CEP170: variants seen among roughly 807,000 people sequenced by gnomAD.
The protein encoded by CEP170 is centrosomal protein 170.
Under a neutral mutation model 151.9 loss-of-function variants are expected in CEP170, and 21 were observed. That is an observed-to-expected ratio of 0.14 (90% CI 0.10 to 0.20). CEP170 has a LOEUF of 0.20. Ranked by LOEUF, CEP170 falls within the 10% of genes least tolerant of loss-of-function variation. CEP170 has a pLI of 1.00. For missense variants in CEP170, 964 were observed against 1,892.9 expected (o/e 0.51, Z 9.11); for synonymous variants, 356 against 648.8 (o/e 0.55, Z 6.86).
At chr1:243,197,298 C>T (rs1264803871) in intron 7 of CEP170, among the ~76,000 whole-genome samples, 1 of 152,038 alleles carries the variant, frequency 6.6e-6, no homozygotes. Context: ...TATCCTTTCC[C>T]TGTTCTTTCC....
chr1:243,135,148 A>C (rs1196697678), intron 17 of CEP170, among the ~76,000 whole-genome samples: 1 of 152,208 alleles, frequency 6.6e-6, no homozygotes, highest in Non-Finnish European at 1.5e-5. Flanking sequence ...ATTTTAAATT[A>C]ATATTCTTTT....
At chr1:243,169,530 T>C (rs1265329073) in intron 12 of CEP170, 98 bp downstream of exon 12, 12 of 1,486,838 alleles carry the variant, frequency 8.1e-6, no homozygotes, top group South Asian at 3.9e-5. Context: ...ACAACTGATA[T>C]ATGATTCACA....
intron 1 of CEP170, among the ~76,000 whole-genome samples, chr1:243,243,860 A>C (rs923718597): frequency 6.6e-6 from 1 of 152,044 alleles, no homozygotes; most frequent in Non-Finnish European, 1.5e-5. Context: ...CCACACACAC[A>C]CACATACACA....
chr1:243,204,175 T>C (rs1385324694), intron 4 of CEP170, among the ~76,000 whole-genome samples: 1 of 152,224 alleles, frequency 6.6e-6, no homozygotes, highest in Non-Finnish European at 1.5e-5. Flanking sequence ...TGTTTTGTTA[T>C]GGATATCAAC....
chr1:243,176,426 G>T (rs912245282), intron 10 of CEP170, among the ~76,000 whole-genome samples: 2 of 151,024 alleles, frequency 1.3e-5, no homozygotes, highest in Non-Finnish European at 2.9e-5. Flanking sequence ...CATTCGTACT[G>T]GGCGTAGGAA....
chr1:243,205,939 GAAGAAAGAAGGAAGAAAA>G (rs1558584921), intron 4 of CEP170, among the ~76,000 whole-genome samples: 1 of 147,068 alleles, frequency 6.8e-6, no homozygotes, highest in African/African-American at 2.5e-5. Flanking sequence ...AAAGAAAGAA[GAAGAAAGAAGGAAGAAAA>G]AAGAAAGAAG....
intron 14 of CEP170, among the ~76,000 whole-genome samples, chr1:243,155,189 T>C (rs1295966608): frequency 6.6e-6 from 1 of 152,102 alleles, no homozygotes; most frequent in East Asian, 1.9e-4. Flanking sequence ...AGCAGCACGA[T>C]GAGATTAGAA....
chr1:243,162,762 G>A (rs949049444), intron 13 of CEP170, among the ~76,000 whole-genome samples: 2 of 152,142 alleles, frequency 1.3e-5, no homozygotes, highest in African/African-American at 4.8e-5. Flanking sequence ...TCTTAATGGA[G>A]ATGAGGTGAT....
At chr1:243,208,591 A>G (rs1366034558) in intron 4 of CEP170, among the ~76,000 whole-genome samples, 1 of 151,550 alleles carries the variant, frequency 6.6e-6, no homozygotes, top group Non-Finnish European at 1.5e-5. Flanking sequence ...CTGCAGGACA[A>G]TATCTCCATA....
intron 1 of CEP170, among the ~76,000 whole-genome samples, chr1:243,251,796 G>C (rs550247038): frequency 1.2e-4 from 19 of 152,060 alleles, no homozygotes; most frequent in Non-Finnish European, 2.2e-4. Context: ...TAGATTTTAT[G>C]AGGTTTTCTT....
At chr1:243,147,613 C>A (rs937966411) in intron 14 of CEP170, among the ~76,000 whole-genome samples, 4 of 152,086 alleles carry the variant, frequency 2.6e-5, no homozygotes, top group African/African-American at 9.7e-5. Context: ...TATAAACAAG[C>A]AATACTGACT....
At chr1:243,220,451 G>A (rs967527000) in intron 3 of CEP170, among the ~76,000 whole-genome samples, 1 of 151,836 alleles carries the variant, frequency 6.6e-6, no homozygotes, top group African/African-American at 2.4e-5. Flanking sequence ...AAAAAAAAAG[G>A]CTTGAATAAA....
intron 1 of CEP170, among the ~76,000 whole-genome samples, chr1:243,225,550 T>G (rs1405055496): frequency 1.3e-5 from 2 of 152,208 alleles, no homozygotes; most frequent in Non-Finnish European, 2.9e-5. Flanking sequence ...ACTAAGGCAG[T>G]AAGTGGGTGC....
chr1:243,126,512 G>T lies in CEP170; in HGVS notation c.4692C>A (p.Phe1564Leu), dbSNP rs1200596593. 1 of 1,607,556 alleles carries T rather than the reference G, an allele frequency of 6.2e-7. No homozygotes were observed. Among genetic ancestry groups the T allele is most frequent in the Non-Finnish European group, 8.5e-7 (1 of 1,176,620 alleles). ...EFENAESEADFSIHFNRFNPD... is the reference protein window; with the variant it reads ...EFENAESEADLSIHFNRFNPD... ...GGTTGAATCTATTGAAATGTATACTGAAATCAGCCTCAGATTCAGCATTCT... is the reference window on the plus strand; with the variant it reads ...GGTTGAATCTATTGAAATGTATACTTAAATCAGCCTCAGATTCAGCATTCT... Residue 1564 changes from phenylalanine (F) to leucine (L), a missense_variant, in exon 20 of 20, where the codon TTC (phenylalanine) becomes TTA (leucine). Phe to Leu is a conservative substitution (Grantham distance 22). Transcript: ENST00000366542.
rs141049163 is a variant in CEP170 at position 243,197,025 on chromosome 1, A to C, written c.631+2035T>G. 2.5e-3 allele frequency among the ~76,000 whole-genome samples: 388 copies of C among 152,254 alleles called. 4 individuals carry two copies. The highest frequency in any genetic ancestry group is 8.9e-3 in the African/African-American group (370 of 41,552). ...TGGGACAAAATTAGAAAACTCTGAC[A>C]TGAACAACTTAGTTTAAAAATCTAT... On this transcript the variant is annotated intron_variant, in intron 7 of 19. Transcript: ENST00000366542.
chr1:243,241,873 A>C (rs2064880504), intron 1 of CEP170, among the ~76,000 whole-genome samples: 1 of 151,708 alleles, frequency 6.6e-6, no homozygotes, highest in Non-Finnish European at 1.5e-5. Flanking sequence ...ACAATACAGG[A>C]GGGTAGGGGG....
At chr1:243,233,593 T>C (rs936499760) in intron 1 of CEP170, among the ~76,000 whole-genome samples, 1 of 151,552 alleles carries the variant, frequency 6.6e-6, no homozygotes, top group Non-Finnish European at 1.5e-5. Context: ...ATTAGCCGAT[T>C]GTGGTGGCAG....
At chr1:243,144,608 T>C (rs1011369721) in intron 14 of CEP170, among the ~76,000 whole-genome samples, 1 of 152,184 alleles carries the variant, frequency 6.6e-6, no homozygotes, top group African/African-American at 2.4e-5. Flanking sequence ...TCATTAAGGA[T>C]TTTTTATGCA....
rs550718551 is a variant in CEP170, at chr1:243,245,730, CAAACAAA to C, written c.-42+9303_-42+9309del. 5.4e-3 allele frequency among the ~76,000 whole-genome samples: 814 copies of C among 150,640 alleles called. 9 individuals carry two copies. Among genetic ancestry groups the C allele is most frequent in the African/African-American group, 0.017 (708 of 41,044 alleles). On this transcript the variant is annotated intron_variant, in intron 1 of 19. Coordinates refer to ENST00000366542, the MANE Select transcript of CEP170 (RefSeq NM_014812.3). ...CTCCATCTCAAGAAAACAAAACAAA[CAAACAAA>C]AAACAAAAAACAAAAAACAAAACAA...
Sources: gnomAD v4.1 joint callset for allele counts (sites outside exome capture counted in the v4.1 genomes callset) on GRCh38, gnomAD v4.1.1 for gene constraint, MANE v1.5 for transcripts, NCBI Gene and HGNC (gene_info 2026-07-23, HGNC 2026-07-21) for gene names.